Variants in RAD54L observed in about 807,000 individuals in gnomAD.
The protein encoded by RAD54L is RAD54 like.
A neutral mutation model predicts 91.6 loss-of-function variants in RAD54L; 74 were observed. The observed-to-expected ratio is 0.81, with a 90% CI of 0.67 to 0.98. The LOEUF (loss-of-function observed/expected upper bound fraction) is 0.98. Ranked by LOEUF, RAD54L falls within the 50% of genes least tolerant of loss-of-function variation. The pLI, the probability that RAD54L is intolerant of heterozygous loss-of-function variation, is 0.00. For synonymous variants in RAD54L, 304 were observed against 349.7 expected, an observed-to-expected ratio of 0.87 and a Z score of 1.46; for missense variants, 887 against 945.7, an observed-to-expected ratio of 0.94 and a Z score of 0.81.
At chr1:46,251,217 C>T (rs12059086) in intron 3 of RAD54L, among the ~76,000 whole-genome samples, 13 of 151,430 alleles carry the variant, frequency 8.6e-5, no homozygotes, top group African/African-American at 3.2e-4. Context: ...GAGGCTGAGG[C>T]AGGAGAATCA....
Position 46,260,945 on chromosome 1 carries a change from A to G in RAD54L, c.696A>G (p.Lys232=). 6.2e-7 allele frequency: 1 copy of G among 1,614,226 alleles called. No individual in the cohort carries two copies. Among genetic ancestry groups the G allele is most frequent in the Non-Finnish European group, 8.5e-7 (1 of 1,180,034 alleles). ...LVKNWYNEVG[K]WLGGRIQPLA... ...AGAACTGGTACAATGAGGTTGGGAA[A>G]TGGCTCGGAGGGAGGATCCAACCTC... is the stretch of plus-strand genomic sequence containing the variant. The change falls in exon 7 of 18, where the codon AAA becomes AAG. Residue 232 remains lysine, a synonymous_variant. Coordinates refer to ENST00000371975, the MANE Select transcript of RAD54L (RefSeq NM_003579.4).
intron 9 of RAD54L, among the ~76,000 whole-genome samples, chr1:46,270,286 C>T (rs1294112818): frequency 1.3e-5 from 2 of 151,548 alleles, no homozygotes; most frequent in Non-Finnish European, 2.9e-5. Context: ...GGAGAATTGC[C>T]TGAACCTGGG....
Position 46,272,753 on chromosome 1 carries a change from G to A in RAD54L, c.1326G>A (p.Met442Ile). 6.2e-7 allele frequency: 1 copy of A among 1,614,192 alleles called. No homozygotes were observed. The highest frequency in any genetic ancestry group is 8.5e-7 in the Non-Finnish European group (1 of 1,180,028). The change falls in exon 12 of 18, where the codon ATG becomes ATA. Residue 442 changes from methionine (M) to isoleucine (I), a missense_variant. Met to Ile is a conservative substitution (Grantham distance 10). Coordinates refer to ENST00000371975, the MANE Select transcript of RAD54L (RefSeq NM_003579.4). ...KPAEELLEGK[M>I]SVSSLSSITS... is the part of the protein sequence containing the mutation. ...CAGAAGAATTGCTTGAGGGCAAGAT[G>A]AGTGTGTCTTCCCTTTCTTCCATCA...
chr1:46,253,742 G>A (rs140823288), intron 3 of RAD54L, among the ~76,000 whole-genome samples: 1 of 5,104 alleles, frequency 2.0e-4, no homozygotes, highest in Admixed American at 1.7e-3. Context: ...TTTTTTTTTT[G>A]AGACAGAGTC....
rs1191666033 is a variant in RAD54L, at chr1:46,256,634, T to TA, written c.211-2052_211-2051insA. 7.0e-3 allele frequency among the ~76,000 whole-genome samples: 1,043 copies of TA among 148,180 alleles called. 16 individuals carry two copies. The highest frequency in any genetic ancestry group is 0.034 in the Middle Eastern group (10 of 292). ...GGGCGACAAAATGAGACCCTGTCTT[T>TA]TAAAAAAAAAAAAAGTCAATAAAAG... On this transcript the variant is annotated intron_variant, in intron 3 of 17. Transcript: ENST00000371975.
chr1:46,254,770 A>G (rs1158335138), intron 3 of RAD54L, among the ~76,000 whole-genome samples: 1 of 152,012 alleles, frequency 6.6e-6, no homozygotes, highest in Non-Finnish European at 1.5e-5. Flanking sequence ...AATGATATGT[A>G]GAGACCAGGT....
chr1:46,254,758 T>A (rs1659895623), intron 3 of RAD54L, among the ~76,000 whole-genome samples: 1 of 152,086 alleles, frequency 6.6e-6, no homozygotes, highest in Non-Finnish European at 1.5e-5. Flanking sequence ...GGCTAATTTT[T>A]AAATGATATG....
chr1:46,250,896 G>T (rs191158636), intron 3 of RAD54L, among the ~76,000 whole-genome samples: 1 of 151,818 alleles, frequency 6.6e-6, no homozygotes, highest in African/African-American at 2.4e-5. Context: ...ACTTGAACCC[G>T]GGAGGCCGAG....
At chr1:46,261,037 G>T (rs1248647666) in intron 7 of RAD54L, 22 bp downstream of exon 7, 1 of 1,610,088 alleles carries the variant, frequency 6.2e-7, no homozygotes, top group South Asian at 1.1e-5. Flanking sequence ...TAACAAAGAT[G>T]GCTGCACTCT....
chr1:46,248,622 A>G (rs1659716218), intron 2 of RAD54L, 24 bp downstream of exon 2: 1 of 1,607,552 alleles, frequency 6.2e-7, no homozygotes, highest in Non-Finnish European at 8.5e-7. Flanking sequence ...GGGACAGGGA[A>G]GGTGGGTAGA....
At chr1:46,270,580 A>G in intron 9 of RAD54L, 79 bp from the exon 10 acceptor site, 1 of 1,579,770 alleles carries the variant, frequency 6.3e-7, no homozygotes, top group Non-Finnish European at 8.7e-7. Flanking sequence ...GGTTTGTGAG[A>G]AGGTAGTCTG....
intron 8 of RAD54L, among the ~76,000 whole-genome samples, chr1:46,261,593 G>A (rs1043288808): frequency 3.9e-5 from 6 of 152,200 alleles, no homozygotes; most frequent in Non-Finnish European, 4.4e-5. Flanking sequence ...GAACCCTGAG[G>A]AGAGTGAGAT....
chr1:46,251,723 A>G (rs1475896088), intron 3 of RAD54L, among the ~76,000 whole-genome samples: 1 of 152,188 alleles, frequency 6.6e-6, no homozygotes, highest in African/African-American at 2.4e-5. Context: ...CCCAGGCAAC[A>G]TGGTGAAACC....
rs541965901 is a variant in RAD54L, at chr1:46,260,630, A to T, written c.477+19A>T. The stretch of plus-strand genomic sequence containing the variant: ...GAGAGAGGTAAATGAGGGTGAGGGG[A>T]ACGAGGTATGGGCTATGGGCTGAGC... On this transcript the variant is annotated intron_variant, in intron 6 of 17. Coordinates refer to ENST00000371975, the MANE Select transcript of RAD54L (RefSeq NM_003579.4). 803 of 1,613,890 alleles carry T rather than the reference A, an allele frequency of 5.0e-4. 6 individuals carry two copies. The East Asian group carries it at 9.1e-3, about 18-fold the overall frequency.
In RAD54L at chr1:46,273,621, C is replaced by T. The variant is rs763544464; in HGVS notation, c.1487-3C>T. The T allele has an allele frequency of 1.2e-6, 2 of 1,613,330 alleles. No individual in the cohort carries two copies. The highest frequency in any genetic ancestry group is 1.1e-5 in the South Asian group (1 of 91,020). ...GGGGACTGCTGGTTGCTGCTCTTCCCAGGTAAGATGCTGGTCCTGGATTAT... is the reference window on the plus strand; with the variant it reads ...GGGGACTGCTGGTTGCTGCTCTTCCTAGGTAAGATGCTGGTCCTGGATTAT... On this transcript the variant is annotated splice_polypyrimidine_tract_variant and splice_region_variant and intron_variant, in intron 13 of 17. Coordinates refer to ENST00000371975, the MANE Select transcript of RAD54L (RefSeq NM_003579.4).
Position 46,260,095 on chromosome 1 carries a change from G to C in RAD54L, c.403G>C (p.Asp135His), listed in dbSNP as rs572755210. 7 of 1,614,222 alleles carry C rather than the reference G, an allele frequency of 4.3e-6. No individual in the cohort carries two copies. The South Asian group carries it at 6.6e-5, about 15-fold the overall frequency. Residue 135 changes from aspartate to histidine, a missense_variant, in exon 5 of 18, where the codon GAC becomes CAC. Transcript: ENST00000371975. ...PLSAHDQLKL[D>H]KEKLPVHVVV... is the part of the protein sequence containing the mutation. The stretch of plus-strand genomic sequence containing the variant: ...GAGCGCTCATGACCAGCTGAAGCTT[G>C]ACAAGTATGTGCACTGGTATTTCAT...
At chr1:46,257,914 A>G (rs1659986369) in intron 3 of RAD54L, among the ~76,000 whole-genome samples, 1 of 152,238 alleles carries the variant, frequency 6.6e-6, no homozygotes, top group Non-Finnish European at 1.5e-5. Flanking sequence ...GCTCATTTGT[A>G]AAATGGAAAC....
chr1:46,277,839 T>C lies in RAD54L; in HGVS notation c.1892T>C (p.Ile631Thr). The change falls in exon 17 of 18, where the codon ATC becomes ACC. Residue 631 changes from isoleucine (I) to threonine (T), a missense_variant. Coordinates refer to ENST00000371975, the MANE Select transcript of RAD54L (RefSeq NM_003579.4). The stretch of plus-strand genomic sequence containing the variant: ...CAGGCAGGGACCATTGAGGAGAAGA[T>C]CTTCCAGCGTCAGAGCCACAAGAAG... ...LLSAGTIEEK[I>T]FQRQSHKKAL... The C allele has an allele frequency of 6.2e-7, 1 of 1,611,808 alleles. No homozygotes were observed. The highest frequency in any genetic ancestry group is 1.1e-5 in the South Asian group (1 of 91,026).
In RAD54L at chr1:46,255,512, T is replaced by C. The variant is rs1342552464; in HGVS notation, c.211-3174T>C. ...CATTCCTTTTTTTTTTTTTTTTTTT[T>C]TTTTGAGACATAGTCTTGCTCTGTG... On this transcript the variant is annotated intron_variant, in intron 3 of 17. Coordinates refer to ENST00000371975, the MANE Select transcript of RAD54L (RefSeq NM_003579.4). 2.0e-5 allele frequency among the ~76,000 whole-genome samples: 3 copies of C among 148,022 alleles called. No homozygotes were observed. In the Admixed American group the frequency reaches 2.0e-4, roughly 10 times the overall value.
Sources: allele counts gnomAD v4.1 joint callset (sites outside exome capture counted in the v4.1 genomes callset), GRCh38; gene constraint gnomAD v4.1.1; transcripts MANE v1.5; gene names NCBI Gene and HGNC (gene_info 2026-07-23, HGNC 2026-07-21).